Variants in LYPD3 observed in about 807,000 individuals in gnomAD.
LYPD3 encodes the protein ly6/PLAUR domain-containing protein 3.
LYPD3 carries 22 observed loss-of-function variants against 21.7 expected under a neutral mutation model. The ratio of observed to expected loss-of-function variants is 1.01; its 90% CI spans 0.72 to 1.45. The LOEUF (loss-of-function observed/expected upper bound fraction) is 1.45, where lower values mean the gene tolerates loss of function less well. LYPD3 is among the 40% of genes most tolerant of loss of function. The pLI is 0.00. For synonymous variants in LYPD3, 179 were observed against 203.0 expected (o/e 0.88, Z 1.00); for missense variants, 471 against 466.9 (o/e 1.01, Z -0.08).
intron 2 of LYPD3, 99 bp from the exon 3 acceptor site, chr19:43,463,868 A>G (rs1970798596): frequency 8.5e-7 from 1 of 1,182,750 alleles, no homozygotes; most frequent in African/African-American, 1.5e-5. Context: ...GGCCTCAAAT[A>G]GGCCAACACC....
At chr19:43,464,237 G>A in intron 2 of LYPD3, 88 bp downstream of exon 2, 1 of 1,502,788 alleles carries the variant, frequency 6.7e-7, no homozygotes, top group Non-Finnish European at 8.9e-7. Flanking sequence ...TTAAAGGGGC[G>A]TGGCCAGATC....
In LYPD3 at chr19:43,461,457, T is replaced by C. The variant is rs1970774476; in HGVS notation, c.935A>G (p.Tyr312Cys). The C allele has an allele frequency of 6.2e-7, 1 of 1,614,046 alleles. No individual in the cohort carries two copies. The highest frequency in any genetic ancestry group is 1.3e-5 in the African/African-American group (1 of 74,922). Residue 312 changes from tyrosine to cysteine, a missense_variant, in exon 5 of 5, where the codon TAT (tyrosine) becomes TGT (cysteine). Coordinates refer to ENST00000244333, the MANE Select transcript of LYPD3 (RefSeq NM_014400.3). ...CTGCTGGGGCCCCCCTTTTGCAGGA[T>C]ACTGCCCTGAATTGCTGCGGTCCTG... ...GHQDRSNSGQ[Y>C]PAKGGPQQPH...
intron 2 of LYPD3, 112 bp from the exon 3 acceptor site, chr19:43,463,881 A>T: frequency 9.6e-7 from 1 of 1,046,388 alleles, no homozygotes; most frequent in Middle Eastern, 3.0e-4. Flanking sequence ...CCAACACCAC[A>T]GGACCGACAG....
At position 43,463,170 on chromosome 19, in the gene LYPD3, T is replaced by C. The variant is rs752550447; in HGVS notation, c.500A>G (p.His167Arg). ...GCCGTCGAAGCAGCCCTTGTAGACA[T>C]GATCGCTGGCGTTGTAGCAGCTCAC... ...PVVSCYNASD[H>R]VYKGCFDGNV... is the part of the protein sequence containing the mutation. Residue 167 changes from histidine to arginine, a missense_variant, in exon 4 of 5, where the codon CAT becomes CGT. His to Arg is a conservative substitution (Grantham distance 29). Transcript: ENST00000244333. The C allele has an allele frequency of 6.2e-7, 1 of 1,612,300 alleles. No homozygotes were observed. Among genetic ancestry groups the C allele is most frequent in the Admixed American group, 1.7e-5 (1 of 60,022 alleles).
At chr19:43,463,916 C>G in intron 2 of LYPD3, 147 bp from the exon 3 acceptor site, 2 of 825,638 alleles carry the variant, frequency 2.4e-6, no homozygotes, top group Non-Finnish European at 3.9e-6. Context: ...ATGGACGCCC[C>G]CAAAGAGCCG....
Position 43,465,524 on chromosome 19 carries a change from T to G in LYPD3, c.48A>C (p.Ala16=), listed in dbSNP as rs1163511743. ...GAAGCAGCAGCAGCAGCAGCCAGCC[T>G]GCAGTCCAGATCATGGCCTGGGCAC... is the stretch of plus-strand genomic sequence containing the variant. ...KAGAQAMIWT[A]GWLLLLLLRG... is the part of the protein sequence containing the mutation. Residue 16 remains alanine (A), a synonymous_variant, in exon 1 of 5, where the codon GCA becomes GCC. Coordinates refer to ENST00000244333, the MANE Select transcript of LYPD3 (RefSeq NM_014400.3). 6.2e-7 allele frequency: 1 copy of G among 1,610,492 alleles called. No individual in the cohort carries two copies.
In LYPD3 at chr19:43,463,843, G is replaced by C. The variant is rs576463411; in HGVS notation, c.212-74C>G. The C allele has an allele frequency of 5.6e-6, 8 of 1,434,850 alleles. No individual in the cohort carries two copies. In the East Asian group the frequency reaches 1.8e-4, roughly 33 times the overall value. 88.9% of individuals were successfully genotyped at this position (1,434,850 alleles called of 1,614,324 possible). A position where few individuals can be genotyped will look rare whatever the true frequency, so the allele number is the denominator to read the frequency against. On this transcript the variant is annotated intron_variant, in intron 2 of 4. Transcript: ENST00000244333. The stretch of plus-strand genomic sequence containing the variant: ...GGGGCGTGGCCCAGAGTTGGGTAGG[G>C]TCTGGGAGGGGCGGGGCCTCAAATA...
rs763141568 is a variant in LYPD3 at position 43,460,907 on chromosome 19, G to C, written c.*444C>G. The C allele has an allele frequency of 5.3e-5, 10 of 189,910 alleles. No individual in the cohort carries two copies. Among genetic ancestry groups the C allele is most frequent in the Non-Finnish European group, 1.1e-4 (10 of 90,386 alleles). 11.8% of individuals were successfully genotyped at this position (189,910 alleles called of 1,614,324 possible). A position where few individuals can be genotyped will look rare whatever the true frequency, so the allele number is the denominator to read the frequency against. ...CACAGTCTAGTAAGGAAGACATATG[G>C]GGAACCGATTCCCCAAAGATGCGGG... On this transcript the variant is annotated 3_prime_UTR_variant, in exon 5 of 5. Transcript: ENST00000244333.
rs1046302920 is a variant in LYPD3 at position 43,465,513 on chromosome 19, A to T, written c.59T>A (p.Leu20Gln). The T allele has an allele frequency of 6.2e-7, 1 of 1,610,226 alleles. No individual in the cohort carries two copies. Among genetic ancestry groups the T allele is most frequent in the Non-Finnish European group, 8.5e-7 (1 of 1,179,994 alleles). ...CCCACCTCCGCGAAGCAGCAGCAGC[A>T]GCAGCCAGCCTGCAGTCCAGATCAT... Reference protein sequence around the residue: ...QAMIWTAGWLLLLLLRGGAQA... With the variant: ...QAMIWTAGWLQLLLLRGGAQA... Residue 20 changes from leucine to glutamine, a missense_variant, in exon 1 of 5, where the codon CTG (leucine) becomes CAG (glutamine). By Grantham distance (113) the Leu-to-Gln change is moderately radical. Transcript: ENST00000244333.
Position 43,461,326 on chromosome 19 carries a change from G to A in LYPD3, c.*25C>T. 1.3e-6 allele frequency: 2 copies of A among 1,564,000 alleles called. No individual in the cohort carries two copies. Among genetic ancestry groups the A allele is most frequent in the Non-Finnish European group, 1.7e-6 (2 of 1,153,224 alleles). ...TACCCAGGGCCAGAGAAGTAGGTGA[G>A]AGGGAAATTTCCAGGTGGAGAAGCT... On this transcript the variant is annotated 3_prime_UTR_variant, in exon 5 of 5. Coordinates refer to ENST00000244333, the MANE Select transcript of LYPD3 (RefSeq NM_014400.3).
Position 43,463,284 on chromosome 19 carries a change from T to C in LYPD3, c.386A>G (p.Asn129Ser). ...LTSRALDPAG[N>S]ESAYPPNGVE... ...GCCGTTGGGCGGGTATGCACTCTCA[T>C]TACCTGCGAGGGGAGCCGAGAGGAA... Residue 129 changes from asparagine (N) to serine (S), a missense_variant, in exon 4 of 5, where the codon AAT becomes AGT. Physicochemically the swap from Asn to Ser is conservative, Grantham distance 46 (BLOSUM62 1). Coordinates refer to ENST00000244333, the MANE Select transcript of LYPD3 (RefSeq NM_014400.3). The C allele has an allele frequency of 1.9e-6, 3 of 1,601,446 alleles. No homozygotes were observed. Among genetic ancestry groups the C allele is most frequent in the Non-Finnish European group, 2.5e-6 (3 of 1,179,772 alleles).
chr19:43,462,964 C>A (rs1970786988), intron 4 of LYPD3, among the ~76,000 whole-genome samples, 162 bp downstream of exon 4: 1 of 152,226 alleles, frequency 6.6e-6, no homozygotes, highest in Admixed American at 6.5e-5. Context: ...GAAGGGACTG[C>A]ATTTTCCATG....
Position 43,461,409 on chromosome 19 carries a change from GC to G in LYPD3, c.982del (p.Ala328LeufsTer76), listed in dbSNP as rs1277654612. The G allele has an allele frequency of 1.2e-6, 2 of 1,612,920 alleles. No individual in the cohort carries two copies. The highest frequency in any genetic ancestry group is 4.5e-5 in the East Asian group (2 of 44,848). On this transcript the variant is annotated frameshift_variant, in exon 5 of 5. Transcript: ENST00000244333. LOFTEE classifies it low-confidence loss of function (END_TRUNC). ...AAGGGCTGCCAATCCAGCTGTGGGAGCCACACAGCCTTTATTATGGGGCTGC... is the reference window on the plus strand; with the variant it reads ...AAGGGCTGCCAATCCAGCTGTGGGAGCACACAGCCTTTATTATGGGGCTGC... ...PQQPHNKGCV[A>X]PTAGLAALLL...
rs372103376 is a variant in LYPD3 at position 43,463,331 on chromosome 19, G to A, written c.383-44C>T. The A allele has an allele frequency of 8.3e-5, 132 of 1,591,896 alleles. No homozygotes were observed. The South Asian group carries it at 8.8e-4, about 11-fold the overall frequency. On this transcript the variant is annotated intron_variant, in intron 3 of 4. Coordinates refer to ENST00000244333, the MANE Select transcript of LYPD3 (RefSeq NM_014400.3). ...GGAAGAAAAGGTGTCGAAAGGGTTC[G>A]GGAACCGCAGCTCGTCCTCTAGCCC...
intron 3 of LYPD3, 33 bp downstream of exon 3, chr19:43,463,566 C>CGCCCCCGCAGCTACGGCCCG: frequency 6.3e-7 from 1 of 1,594,692 alleles, no homozygotes; most frequent in East Asian, 2.2e-5. Context: ...AATGTGGCTC[C>CGCCCCCGCAGCTACGGCCCG]GCCCCCGCAG....
At chr19:43,465,416 T>C in intron 1 of LYPD3, 77 bp downstream of exon 1, 1 of 1,516,418 alleles carries the variant, frequency 6.6e-7, no homozygotes, top group East Asian at 2.3e-5. Context: ...CACAGCCTTC[T>C]CTGTACGGGG....
At position 43,463,639 on chromosome 19, in the gene LYPD3, G is replaced by A; in HGVS notation, c.342C>T (p.Asn114=). The A allele has an allele frequency of 1.2e-6, 2 of 1,605,952 alleles. No homozygotes were observed. The highest frequency in any genetic ancestry group is 8.5e-7 in the Non-Finnish European group (1 of 1,179,936). The change falls in exon 3 of 5, where the codon AAC becomes AAT. Residue 114 remains asparagine, a synonymous_variant. Transcript: ENST00000244333. The part of the protein sequence containing the change: ...QLQQCAQDRC[N]AKLNLTSRAL... Reference sequence around the variant, plus strand: ...CCCGCGAGGTGAGGTTGAGCTTGGCGTTGCAGCGATCCTGAGCGCATTGCT... The same window carrying A: ...CCCGCGAGGTGAGGTTGAGCTTGGCATTGCAGCGATCCTGAGCGCATTGCT...
chr19:43,465,380 C>A lies in LYPD3; in HGVS notation c.79+113G>T, dbSNP rs73937427. On this transcript the variant is annotated intron_variant, in intron 1 of 4. Coordinates refer to ENST00000244333, the MANE Select transcript of LYPD3 (RefSeq NM_014400.3). ...GGATGGGGGAACTTTGCCCACAGTG[C>A]CCTCTGCTTATGTGGGGATCCTTCC... 3.8e-3 allele frequency: 4,570 copies of A among 1,212,294 alleles called. 135 individuals are homozygous for A. The African/African-American group carries it at 0.062, about 16-fold the overall frequency. The allele number at this position is 1,212,294 out of a possible 1,614,324, so 75.1% of individuals were successfully genotyped here.
chr19:43,465,238 G>A (rs1233814983), intron 1 of LYPD3, among the ~76,000 whole-genome samples: 1 of 152,098 alleles, frequency 6.6e-6, no homozygotes, highest in Non-Finnish European at 1.5e-5. Flanking sequence ...AGGAACAGGG[G>A]ACTTCTTTCT....
Sources: allele counts gnomAD v4.1 joint callset (sites outside exome capture counted in the v4.1 genomes callset), GRCh38; gene constraint gnomAD v4.1.1; transcripts MANE v1.5; gene names NCBI Gene and HGNC (gene_info 2026-07-23, HGNC 2026-07-21).